Variants in ZNF91 observed in about 807,000 individuals in gnomAD.
ZNF91 encodes zinc finger protein 91.
Under a neutral mutation model 12.6 loss-of-function variants are expected in ZNF91, and 7 were observed. The ratio of observed to expected loss-of-function variants is 0.55; its 90% confidence interval spans 0.31 to 1.04. The LOEUF (loss-of-function observed/expected upper bound fraction) is 1.04. Ranked by LOEUF, ZNF91 falls within the 50% of genes least tolerant of loss-of-function variation. The probability of loss-of-function intolerance (pLI) is 0.05; values close to 1 mark genes in which losing one functional copy is unlikely to be tolerated. For missense variants in ZNF91, 1,217 were observed against 1,385.4 expected, an observed-to-expected ratio of 0.88 and a Z score of 1.93; for synonymous variants, 453 against 462.6, an observed-to-expected ratio of 0.98 and a Z score of 0.27.
intron 1 of ZNF91, chr19:23,325,717 G>C (rs75457166): frequency 1.8e-4 from 27 of 152,210 alleles, no homozygotes; most frequent in African/African-American, 6.5e-4. Flanking sequence ...ACCATGCTCC[G>C]GTCACTGACT....
At chr19:23,323,870 T>TTTCCTATTTTTTCTCC (rs1967779133) in intron 1 of ZNF91, 2 of 76,518 alleles carry the variant, frequency 2.6e-5, no homozygotes, top group Non-Finnish European at 5.4e-5. Context: ...TCTTCTCCTC[T>TTTCCTATTTTTTCTCC]TCGTTTCCTA....
At chr19:23,343,643 C>T (rs537563682) in intron 3 of ZNF91, among the ~76,000 whole-genome samples, 1 of 152,314 alleles carries the variant, frequency 6.6e-6, no homozygotes, top group South Asian at 2.1e-4. Flanking sequence ...GAGCCACTAT[C>T]GTGTGTAAGG....
intron 3 of ZNF91, among the ~76,000 whole-genome samples, chr19:23,364,221 A>G (rs1420142273): frequency 6.6e-6 from 1 of 152,198 alleles, no homozygotes; most frequent in East Asian, 1.9e-4. Flanking sequence ...TGGGAGGCTA[A>G]GGCAGATTAT....
In ZNF91 at chr19:23,373,743, T is replaced by G. The variant is rs1325030415; in HGVS notation, c.252A>C (p.Thr84=). The change falls in exon 3 of 4, where the codon ACA becomes ACC. Residue 84 remains threonine (T), a splice_region_variant and synonymous_variant. Transcript: ENST00000300619. The part of the protein sequence containing the change: ...MKQHEMVDEP[T]GICPHFPQDF... ...TCTGTTGTATTCACTCTCACCTACC[T>G]GTGGGTTCATCCACCATCTCATGTT... The G allele has an allele frequency of 6.2e-7, 1 of 1,607,828 alleles. No homozygotes were observed. The highest frequency in any genetic ancestry group is 8.5e-7 in the Non-Finnish European group (1 of 1,176,548).
chr19:23,329,449 T>C (rs938758215), intron 1 of ZNF91, among the ~76,000 whole-genome samples: 1 of 152,206 alleles, frequency 6.6e-6, no homozygotes, highest in African/African-American at 2.4e-5. Context: ...ACATAAGTGG[T>C]CTTGTGATAT....
intron 1 of ZNF91, among the ~76,000 whole-genome samples, chr19:23,330,951 T>G (rs547194712): frequency 1.3e-5 from 2 of 152,192 alleles, no homozygotes; most frequent in Admixed American, 1.3e-4. Flanking sequence ...TATCCAAAAT[T>G]GGAATCAATA....
rs1970203007 is a variant in ZNF91, at chr19:23,395,407, C to T, written c.-53G>A. 2 of 1,606,724 alleles carry T rather than the reference C, an allele frequency of 1.2e-6. No individual in the cohort carries two copies. Among genetic ancestry groups the T allele is most frequent in the South Asian group, 2.2e-5 (2 of 90,756 alleles). On this transcript the variant is annotated 5_prime_UTR_variant, in exon 1 of 4. Transcript: ENST00000300619. ...GGTCACAGGGCCACACAGGCTGGGC[C>T]TCCTGGAGCAGAGGACACAGAGCAG...
At chr19:23,325,459 C>A (rs926606798) in intron 1 of ZNF91, 1 of 152,106 alleles carries the variant, frequency 6.6e-6, no homozygotes, top group East Asian at 1.9e-4. Flanking sequence ...CTCCTCTAAC[C>A]TATAAACTGA....
At chr19:23,380,123 G>A (rs1168025589) in intron 1 of ZNF91, among the ~76,000 whole-genome samples, 1 of 151,788 alleles carries the variant, frequency 6.6e-6, no homozygotes, top group South Asian at 2.1e-4. Context: ...TGCTGGGCAT[G>A]GTGGTGGGCA....
rs1446115106 is a variant in ZNF91 at position 23,361,729 on chromosome 19, C to T, written c.1250G>A (p.Arg417Gln). The T allele has an allele frequency of 9.4e-6, 15 of 1,599,364 alleles. No homozygotes were observed. The highest frequency in any genetic ancestry group is 4.2e-5 in the African/African-American group (3 of 71,742). The change falls in exon 4 of 4, where the codon CGA becomes CAA. Residue 417 changes from arginine (R) to glutamine (Q), a missense_variant. Physicochemically the swap from Arg to Gln is conservative, Grantham distance 43 (BLOSUM62 1). Transcript: ENST00000300619. Reference protein sequence around the residue: ...KCEECGKAFNRSSNLTIHKFI... With the variant: ...KCEECGKAFNQSSNLTIHKFI... Reference sequence around the variant, plus strand: ...CTTATGTATAGTAAGATTTGAAGATCGATTAAAAGCTTTGCCACATTCTTC... The same window carrying T: ...CTTATGTATAGTAAGATTTGAAGATTGATTAAAAGCTTTGCCACATTCTTC...
intron 1 of ZNF91, among the ~76,000 whole-genome samples, chr19:23,387,346 GT>G (rs977691547): frequency 7.9e-5 from 12 of 152,282 alleles, no homozygotes; most frequent in Middle Eastern, 3.4e-3. Context: ...GCACAAGGGT[GT>G]TTCACTGCAG....
At chr19:23,315,765 C>T (rs550113655) in intron 1 of ZNF91, among the ~76,000 whole-genome samples, 7 of 152,238 alleles carry the variant, frequency 4.6e-5, no homozygotes, top group Admixed American at 3.3e-4. Context: ...AGAGACATTG[C>T]TACATATTTC....
At chr19:23,341,839 T>A (rs1968131762) in intron 3 of ZNF91, among the ~76,000 whole-genome samples, 1 of 152,200 alleles carries the variant, frequency 6.6e-6, no homozygotes, top group Non-Finnish European at 1.5e-5. Flanking sequence ...TGATCTAACA[T>A]GCAGTTCCTC....
intron 3 of ZNF91, chr19:23,342,365 G>A (rs1488872039): frequency 3.0e-6 from 1 of 337,980 alleles, no homozygotes; most frequent in East Asian, 4.1e-5. Context: ...AAAGATTCTA[G>A]AAATTTAATT....
chr19:23,395,282 A>T, intron 1 of ZNF91, 43 bp downstream of exon 1: 1 of 1,607,818 alleles, frequency 6.2e-7, no homozygotes. Context: ...GGTTTCAACG[A>T]GCCCCGTTCC....
intron 3 of ZNF91, among the ~76,000 whole-genome samples, chr19:23,341,208 G>A (rs147911946): frequency 3.3e-5 from 5 of 152,102 alleles, no homozygotes; most frequent in South Asian, 2.1e-4. Context: ...GTGCCACCAC[G>A]CCTGGCTAAC....
At chr19:23,310,321 C>T (rs1290231585) in intron 1 of ZNF91, among the ~76,000 whole-genome samples, 1 of 152,144 alleles carries the variant, frequency 6.6e-6, no homozygotes, top group Non-Finnish European at 1.5e-5. Context: ...GAATCTCATA[C>T]CTGGAGACAG....
At chr19:23,314,075 G>A (rs892726479), upstream of ZNF91, among the ~76,000 whole-genome samples, 8 of 151,778 alleles carry the variant, frequency 5.3e-5, no homozygotes, top group African/African-American at 1.9e-4. Context: ...ACATGGAATT[G>A]TGACATATAT....
upstream of ZNF91, among the ~76,000 whole-genome samples, chr19:23,314,908 A>G (rs913693863): frequency 2.0e-5 from 3 of 152,128 alleles, no homozygotes; most frequent in Non-Finnish European, 4.4e-5. Flanking sequence ...AATATGCAGC[A>G]CCTATGTGGT....
Sources: gnomAD v4.1 joint callset for allele counts (sites outside exome capture counted in the v4.1 genomes callset) on GRCh38, gnomAD v4.1.1 for gene constraint, MANE v1.5 for transcripts, NCBI Gene and HGNC (gene_info 2026-07-23, HGNC 2026-07-21) for gene names.